Variants in EML2 observed in about 807,000 individuals in gnomAD.
EML2 encodes echinoderm microtubule-associated protein-like 2.
Under a neutral mutation model 84.7 loss-of-function variants are expected in EML2, and 59 were observed. The observed-to-expected ratio is 0.70, with a 90% CI of 0.56 to 0.86. The LOEUF is 0.86. Ranked by LOEUF, EML2 falls within the 40% of genes least tolerant of loss-of-function variation. The pLI, the probability that EML2 is intolerant of heterozygous loss-of-function variation, is 0.00. For synonymous variants in EML2, 352 were observed against 348.9 expected, an observed-to-expected ratio of 1.01 and a Z score of -0.10; for missense variants, 818 against 855.6, an observed-to-expected ratio of 0.96 and a Z score of 0.55.
In EML2 at chr19:45,621,606, G is replaced by T. The variant is rs201159768; in HGVS notation, c.873C>A (p.Gly291=). ...GGNRITQAVL[G]AHDGGVFGLC... is the part of the protein sequence containing the mutation. The stretch of plus-strand genomic sequence containing the variant: ...GCCCAAACACGCCGCCGTCGTGGGC[G>T]CCCAGCACCGCCTGTGTGATACGGT... The change falls in exon 10 of 19, where the codon GGC becomes GGA. Residue 291 remains glycine (G), a synonymous_variant. Coordinates refer to ENST00000245925, the MANE Select transcript of EML2 (RefSeq NM_012155.4). 1 of 1,609,498 alleles carries T rather than the reference G, an allele frequency of 6.2e-7. No homozygotes were observed. The highest frequency in any genetic ancestry group is 2.2e-5 in the East Asian group (1 of 44,860).
rs1168699315 is a variant in EML2 at position 45,638,853 on chromosome 19, A to C, written c.41T>G (p.Phe14Cys). The C allele has an allele frequency of 9.9e-6, 16 of 1,613,654 alleles. No individual in the cohort carries two copies. The highest frequency in any genetic ancestry group is 1.4e-5 in the Non-Finnish European group (16 of 1,179,946). ...FGAGKTKEVI[F>C]SVEDGSVKMF... ...CCCATCTCCCCACTCACCCACACTGAAGATAACTTCTTTGGTTTTGCTGTC... is the reference window on the plus strand; with the variant it reads ...CCCATCTCCCCACTCACCCACACTGCAGATAACTTCTTTGGTTTTGCTGTC... The change falls in exon 2 of 19, where the codon TTC becomes TGC. Residue 14 changes from phenylalanine to cysteine, a missense_variant. Transcript: ENST00000245925.
intron 3 of EML2, among the ~76,000 whole-genome samples, chr19:45,636,685 G>A (rs1386429375): frequency 2.6e-5 from 4 of 152,238 alleles, no homozygotes; most frequent in South Asian, 2.1e-4. Context: ...GGTGGCTCAC[G>A]CCTGTAATCT....
chr19:45,634,538 T>G (rs972967801), intron 3 of EML2, 67 bp from the exon 4 acceptor site: 21 of 1,165,116 alleles, frequency 1.8e-5, no homozygotes, highest in African/African-American at 5.0e-5. Context: ...TTTGTTTTTA[T>G]TTATTTATTT....
upstream of EML2, among the ~76,000 whole-genome samples, chr19:45,643,011 A>G (rs73050374): frequency 0.035 from 5,316 of 151,310 alleles, 133 homozygotes; most frequent in South Asian, 0.078. Context: ...AAAAAGAAAA[A>G]GAAAAAAAAG....
At chr19:45,631,611 T>A (rs1973040479) in intron 6 of EML2, among the ~76,000 whole-genome samples, 1 of 152,076 alleles carries the variant, frequency 6.6e-6, no homozygotes. Context: ...TTTCACCATG[T>A]TGGCCAGGCT....
At chr19:45,633,968 T>C (rs1337966060) in intron 4 of EML2, among the ~76,000 whole-genome samples, 1 of 152,174 alleles carries the variant, frequency 6.6e-6, no homozygotes, top group Non-Finnish European at 1.5e-5. Flanking sequence ...TGAATTTTTT[T>C]TGAGACAGAG....
chr19:45,644,286 G>T (rs763561016), upstream of EML2, among the ~76,000 whole-genome samples: 9 of 152,120 alleles, frequency 5.9e-5, no homozygotes, highest in Admixed American at 1.3e-4. Flanking sequence ...GCCCAGAAAG[G>T]TGACGTTACT....
At chr19:45,643,178 G>A (rs1974739508), upstream of EML2, among the ~76,000 whole-genome samples, 1 of 152,096 alleles carries the variant, frequency 6.6e-6, no homozygotes, top group Admixed American at 6.6e-5. Context: ...TCTCTTCACT[G>A]TTTCTAAGAC....
upstream of EML2, chr19:45,641,546 T>C: frequency 7.9e-7 from 1 of 1,272,710 alleles, no homozygotes; most frequent in Non-Finnish European, 1.1e-6. Flanking sequence ...CTGGCCCCAC[T>C]CTAGGTTACG....
upstream of EML2, chr19:45,641,253 C>A (rs568551731): frequency 4.5e-4 from 86 of 192,798 alleles, no homozygotes; most frequent in African/African-American, 1.9e-3. Flanking sequence ...GTGGCTGCAC[C>A]CTTAAATTCC....
chr19:45,638,701 G>A, intron 2 of EML2, 67 bp from the exon 3 acceptor site: 1 of 1,587,168 alleles, frequency 6.3e-7, no homozygotes, highest in Non-Finnish European at 8.6e-7. Context: ...TCCTCTTCCA[G>A]CTTTATTTAT....
upstream of EML2, chr19:45,641,759 G>A (rs938238708): frequency 4.6e-6 from 7 of 1,536,088 alleles, no homozygotes; most frequent in Non-Finnish European, 6.1e-6. Context: ...CTAAAAGAGA[G>A]CACACAGGTG....
chr19:45,613,088 G>A (rs1305203868), intron 18 of EML2, among the ~76,000 whole-genome samples: 1 of 151,874 alleles, frequency 6.6e-6, no homozygotes, highest in African/African-American at 2.4e-5. Context: ...TTGTAGAGAT[G>A]GGGTCTCACT....
chr19:45,645,482 C>A (rs1023148018), upstream of EML2: 5 of 1,406,294 alleles, frequency 3.6e-6, no homozygotes, highest in Non-Finnish European at 4.6e-6. Context: ...CGGCCGGCGC[C>A]GGGCCCGGCG....
At chr19:45,614,547 C>A (rs541955404) in intron 17 of EML2, 58 bp downstream of exon 17, 8 of 1,461,850 alleles carry the variant, frequency 5.5e-6, no homozygotes, top group Non-Finnish European at 7.7e-6. Flanking sequence ...AAACCACCAG[C>A]GGGGATGTCT....
In EML2 at chr19:45,630,013, A is replaced by T; in HGVS notation, c.544T>A (p.Ser182Thr). ...CACACCGAGAGCATGTGATCATTGG[A>T]TTCATCCACTGCACACAGCAGGTTG... ...GGNLLCAVDE[S>T]NDHMLSVWDW... Residue 182 changes from serine to threonine, a missense_variant, in exon 7 of 19, where the codon TCC (serine) becomes ACC (threonine). Coordinates refer to ENST00000245925, the MANE Select transcript of EML2 (RefSeq NM_012155.4). 6.2e-7 allele frequency: 1 copy of T among 1,613,304 alleles called. No homozygotes were observed. The highest frequency in any genetic ancestry group is 1.7e-4 in the Middle Eastern group (1 of 6,054).
At chr19:45,617,734 G>A (rs1291462359) in intron 12 of EML2, 37 bp from the exon 13 acceptor site, 6 of 1,592,086 alleles carry the variant, frequency 3.8e-6, no homozygotes, top group African/African-American at 1.3e-5. Context: ...GCTCAGAGCT[G>A]GGGTCCCATG....
At chr19:45,616,254 G>T (rs560723478) in intron 15 of EML2, 3 of 568,522 alleles carry the variant, frequency 5.3e-6, no homozygotes, top group Admixed American at 3.1e-5. Flanking sequence ...ACACAGATGG[G>T]CTTAGCACGT....
intron 12 of EML2, chr19:45,618,787 A>T: frequency 5.1e-6 from 1 of 195,122 alleles, no homozygotes; most frequent in Non-Finnish European, 1.1e-5. Context: ...TCTCTATTAA[A>T]GATACATAAA....
Sources: gnomAD v4.1 joint callset for allele counts (sites outside exome capture counted in the v4.1 genomes callset) on GRCh38, gnomAD v4.1.1 for gene constraint, MANE v1.5 for transcripts, NCBI Gene and HGNC (gene_info 2026-07-23, HGNC 2026-07-21) for gene names.